TENM4: variants seen among roughly 807,000 people sequenced by gnomAD.
The protein encoded by TENM4 is teneurin-4.
Under a neutral mutation model 243.3 loss-of-function variants are expected in TENM4, and 82 were observed. The observed-to-expected ratio is 0.34, with a 90% CI of 0.28 to 0.40. The LOEUF is 0.40. Ranked by LOEUF, TENM4 falls within the 10% of genes least tolerant of loss-of-function variation. TENM4 has a pLI of 1.00. For synonymous variants in TENM4, 1,412 were observed against 1,456.3 expected (o/e 0.97, Z 0.69); for missense variants, 3,138 against 3,673.3 (o/e 0.85, Z 3.77).
rs562766772 is a variant in TENM4 at position 79,278,036 on chromosome 11, C to T, written c.-265+19452G>A. 1.4e-3 allele frequency among the ~76,000 whole-genome samples: 212 copies of T among 152,240 alleles called. 1 individual carries two copies. Among genetic ancestry groups the T allele is most frequent in the Non-Finnish European group, 2.3e-3 (158 of 68,022 alleles). ...GCTAATTCTGCCTGAGGCAGCATAG[C>T]AAAAACAAGGTCCTCCTGGTTTCTC... On this transcript the variant is annotated intron_variant, in intron 2 of 33. Transcript: ENST00000278550.
intron 1 of TENM4, among the ~76,000 whole-genome samples, chr11:79,388,227 C>G (rs1858157270): frequency 6.6e-6 from 1 of 152,190 alleles, no homozygotes; most frequent in Admixed American, 6.5e-5. Flanking sequence ...GAAACAGTGA[C>G]AGTGGGGACT....
intron 29 of TENM4, among the ~76,000 whole-genome samples, chr11:78,686,819 G>A (rs760032719): frequency 2.0e-5 from 3 of 152,186 alleles, no homozygotes; most frequent in East Asian, 1.9e-4. Context: ...GAATTCCAGC[G>A]TGTGGTTTCT....
At chr11:79,386,489 G>C (rs1858114361) in intron 1 of TENM4, among the ~76,000 whole-genome samples, 1 of 151,900 alleles carries the variant, frequency 6.6e-6, no homozygotes, top group African/African-American at 2.4e-5. Flanking sequence ...CAGAATGGGA[G>C]AAGATATTAA....
intron 4 of TENM4, among the ~76,000 whole-genome samples, chr11:79,075,150 G>A (rs909146271): frequency 6.6e-6 from 1 of 152,212 alleles, no homozygotes; most frequent in African/African-American, 2.4e-5. Flanking sequence ...GCCAGGCACC[G>A]GTCAAGTGCT....
chr11:79,178,942 A>G (rs137973393), intron 3 of TENM4, among the ~76,000 whole-genome samples: 8 of 152,388 alleles, frequency 5.2e-5, no homozygotes, highest in African/African-American at 1.9e-4. Context: ...AAAGTAGCAG[A>G]GGAAATCAAA....
At chr11:78,826,362 C>G (rs955187234) in intron 12 of TENM4, among the ~76,000 whole-genome samples, 3 of 152,156 alleles carry the variant, frequency 2.0e-5, no homozygotes, top group Non-Finnish European at 1.5e-5. Context: ...GTTGGGATTA[C>G]AGGTGTGAGC....
intron 4 of TENM4, among the ~76,000 whole-genome samples, chr11:79,126,638 T>A (rs931395421): frequency 1.3e-5 from 2 of 152,108 alleles, no homozygotes; most frequent in Non-Finnish European, 2.9e-5. Context: ...TTTATACAAG[T>A]AGAAAAATTC....
chr11:79,144,484 T>G (rs1862357145), intron 4 of TENM4, among the ~76,000 whole-genome samples: 1 of 152,092 alleles, frequency 6.6e-6, no homozygotes, highest in Non-Finnish European at 1.5e-5. Context: ...CACTTCCATG[T>G]GTATCGTGGC....
chr11:79,106,792 T>C (rs995813681), intron 4 of TENM4, among the ~76,000 whole-genome samples: 3 of 152,242 alleles, frequency 2.0e-5, no homozygotes, highest in Non-Finnish European at 4.4e-5. Context: ...TTCTGCTTTT[T>C]CTACAACAGC....
Position 79,067,077 on chromosome 11 carries a change from C to T in TENM4, c.224-2070G>A, listed in dbSNP as rs531143505. Among the ~76,000 whole-genome samples the T allele has an allele frequency of 1.1e-4, 16 of 152,290 alleles. No homozygotes were observed. In the South Asian group the frequency reaches 3.3e-3, roughly 32 times the overall value. ...GCTGTTCCAGCCCCTTCCCAATACC[C>T]CCAATCTCCTCATGATCCAGTTACT... On this transcript the variant is annotated intron_variant, in intron 5 of 33. Transcript: ENST00000278550.
chr11:79,204,913 AC>A (rs1863818589), intron 3 of TENM4, among the ~76,000 whole-genome samples: 3 of 152,350 alleles, frequency 2.0e-5, no homozygotes, highest in African/African-American at 7.2e-5. Flanking sequence ...GTAAGTTCCA[AC>A]AAAACCCAAT....
chr11:78,945,965 T>C (rs564344878), intron 6 of TENM4, among the ~76,000 whole-genome samples: 1 of 152,148 alleles, frequency 6.6e-6, no homozygotes, highest in Non-Finnish European at 1.5e-5. Context: ...AGAAGCAGCC[T>C]CCATAACATA....
At position 79,248,203 on chromosome 11, in the gene TENM4, C is replaced by T. The variant is rs1276172526; in HGVS notation, c.-264-32294G>A. Among the ~76,000 whole-genome samples the T allele has an allele frequency of 3.9e-5, 6 of 152,276 alleles. No homozygotes were observed. In the South Asian group the frequency reaches 1.0e-3, roughly 26 times the overall value. On this transcript the variant is annotated intron_variant, in intron 2 of 33. Transcript: ENST00000278550. ...CCTTCAGAAGTAGGTGAGATACCTG[C>T]GCAAAGCTCCCCACAAGGTACCTGG...
Position 78,701,919 on chromosome 11 carries a change from T to C in TENM4, c.4694A>G (p.Lys1565Arg). The C allele has an allele frequency of 6.2e-7, 1 of 1,614,010 alleles. No individual in the cohort carries two copies. ...CTGGGTGTTGAGGAAAGGCTTGTTC[T>C]TCCGGATAAACCGAATTCGGATGTT... ...LGNIRIRFIR[K>R]NKPFLNTQNM... Residue 1565 changes from lysine to arginine, a missense_variant, in exon 28 of 34, where the codon AAG (lysine) becomes AGG (arginine). This residue lies in a region of TENM4 where 2,467 missense variants were observed against 3,059.1 expected (regional missense o/e 0.81). Coordinates refer to ENST00000278550, the MANE Select transcript of TENM4 (RefSeq NM_001098816.3).
chr11:79,219,550 A>T (rs17828398), intron 2 of TENM4, among the ~76,000 whole-genome samples: 5,381 of 152,296 alleles, frequency 0.035, 100 homozygotes, highest in African/African-American at 0.037. Flanking sequence ...GGAGGCAAGC[A>T]TTATCCTTCC....
At chr11:79,110,982 C>T (rs569121076) in intron 4 of TENM4, among the ~76,000 whole-genome samples, 1 of 152,250 alleles carries the variant, frequency 6.6e-6, no homozygotes, top group Non-Finnish European at 1.5e-5. Flanking sequence ...TGGCTGTGTC[C>T]CCACCCAAAT....
chr11:78,833,868 G>A (rs898336301), intron 12 of TENM4, among the ~76,000 whole-genome samples: 1 of 152,156 alleles, frequency 6.6e-6, no homozygotes, highest in Non-Finnish European at 1.5e-5. Context: ...AATTCTTAAG[G>A]TTATTCATCT....
rs780044388 is a variant in TENM4, at chr11:78,891,347, A to T, written c.750-11T>A. The T allele has an allele frequency of 6.5e-7, 1 of 1,550,218 alleles. No homozygotes were observed. The highest frequency in any genetic ancestry group is 8.7e-7 in the Non-Finnish European group (1 of 1,145,922). On this transcript the variant is annotated splice_polypyrimidine_tract_variant and intron_variant, in intron 7 of 33. Coordinates refer to ENST00000278550, the MANE Select transcript of TENM4 (RefSeq NM_001098816.3). ...TGCTTGCCTAGGTTTCTACGCACAC[A>T]TGGAGACATGAATGAAGCAATGAGT...
At chr11:79,125,156 A>C (rs1030658597) in intron 4 of TENM4, among the ~76,000 whole-genome samples, 14 of 152,214 alleles carry the variant, frequency 9.2e-5, no homozygotes, top group African/African-American at 3.4e-4. Context: ...AGACTTATGC[A>C]AAATAAATCC....
Sources: gnomAD v4.1 joint callset for allele counts (sites outside exome capture counted in the v4.1 genomes callset) on GRCh38, gnomAD v4.1.1 for gene constraint, gnomAD v4.1.1 regional missense constraint, MANE v1.5 for transcripts, NCBI Gene and HGNC (gene_info 2026-07-23, HGNC 2026-07-21) for gene names.